TRHDE: variants seen among roughly 807,000 people sequenced by gnomAD.
TRHDE encodes thyrotropin releasing hormone degrading enzyme.
TRHDE carries 72 observed loss-of-function variants against 125.7 expected under a neutral mutation model. The ratio of observed to expected loss-of-function variants is 0.57; its 90% CI spans 0.47 to 0.70. The LOEUF is 0.70. Among genes scored for constraint, TRHDE ranks in the 30% least tolerant of loss-of-function variants. TRHDE has a pLI of 0.00. For synonymous variants in TRHDE, 509 were observed against 509.1 expected, an observed-to-expected ratio of 1.00 and a Z score of 0.00; for missense variants, 1,110 against 1,327.1, an observed-to-expected ratio of 0.84 and a Z score of 2.54.
intron 2 of TRHDE, among the ~76,000 whole-genome samples, chr12:72,301,601 C>A (rs1370212982): frequency 2.6e-5 from 4 of 152,156 alleles, no homozygotes; most frequent in African/African-American, 7.2e-5. Context: ...GATTCCACCA[C>A]TTATTAGAGG....
At chr12:72,105,860 A>C (rs1286761823) in intron 2 of TRHDE, 2 of 152,196 alleles carry the variant, frequency 1.3e-5, no homozygotes, top group Non-Finnish European at 2.9e-5. Context: ...AATTTAGTAG[A>C]GCAGTTATTT....
intron 3 of TRHDE, among the ~76,000 whole-genome samples, chr12:72,426,604 C>G (rs1874193836): frequency 6.6e-6 from 1 of 151,592 alleles, no homozygotes; most frequent in South Asian, 2.1e-4. Flanking sequence ...TGCCAAAGGC[C>G]ACTTATGTGG....
intron 2 of TRHDE, among the ~76,000 whole-genome samples, chr12:72,328,667 T>C (rs1288085017): frequency 6.6e-6 from 1 of 152,100 alleles, no homozygotes; most frequent in African/African-American, 2.4e-5. Flanking sequence ...ATAAGTCAGC[T>C]GGGCCAGAAA....
chr12:72,391,501 T>G (rs903931723), intron 3 of TRHDE, among the ~76,000 whole-genome samples: 14 of 152,338 alleles, frequency 9.2e-5, no homozygotes, highest in African/African-American at 3.1e-4. Flanking sequence ...TGGCTTTATT[T>G]TTTTTCCTTA....
chr12:72,441,036 A>C (rs969528327), intron 3 of TRHDE, among the ~76,000 whole-genome samples: 1 of 151,916 alleles, frequency 6.6e-6, no homozygotes, highest in Non-Finnish European at 1.5e-5. Flanking sequence ...GAAGATAATC[A>C]GGATAAATTA....
intron 3 of TRHDE, among the ~76,000 whole-genome samples, chr12:72,454,078 T>C (rs73344453): frequency 0.014 from 2,150 of 152,332 alleles, 50 homozygotes; most frequent in African/African-American, 0.049. Context: ...TGAAGTAGTA[T>C]ACTTATGATT....
At chr12:72,592,547 T>A (rs1871728151) in intron 12 of TRHDE, among the ~76,000 whole-genome samples, 1 of 152,050 alleles carries the variant, frequency 6.6e-6, no homozygotes, top group South Asian at 2.1e-4. Flanking sequence ...GCACATTAAG[T>A]TGTGGTGATT....
chr12:72,527,281 A>C (rs947457233), intron 6 of TRHDE, among the ~76,000 whole-genome samples: 7 of 152,112 alleles, frequency 4.6e-5, no homozygotes, highest in Admixed American at 4.6e-4. Context: ...AGATTGTTCT[A>C]TTTCCTAAGT....
intron 4 of TRHDE, among the ~76,000 whole-genome samples, chr12:72,471,434 G>T (rs372074629): frequency 2.6e-5 from 4 of 152,120 alleles, no homozygotes; most frequent in African/African-American, 9.7e-5. Context: ...AAGTGAAAGC[G>T]CACCGATAAT....
chr12:72,171,354 G>A (rs1876869912), intron 2 of TRHDE, among the ~76,000 whole-genome samples: 1 of 152,202 alleles, frequency 6.6e-6, no homozygotes, highest in African/African-American at 2.4e-5. Flanking sequence ...TTGTATAAAT[G>A]TGAGAAGGGC....
intron 7 of TRHDE, 40 bp from the exon 8 acceptor site, chr12:72,562,125 T>C (rs773399454): frequency 2.0e-6 from 2 of 1,002,836 alleles, no homozygotes; most frequent in Non-Finnish European, 3.1e-6. Flanking sequence ...TAGTTACTGT[T>C]TAACCTTTGA....
At chr12:72,416,890 C>G (rs11179192) in intron 3 of TRHDE, among the ~76,000 whole-genome samples, 16,246 of 151,870 alleles carry the variant, frequency 0.11, 1,139 homozygotes, top group African/African-American at 0.18. Context: ...AATTTTAGGA[C>G]TACTTTTCTA....
At chr12:72,548,400 G>T (rs1165644561) in intron 7 of TRHDE, among the ~76,000 whole-genome samples, 1 of 151,612 alleles carries the variant, frequency 6.6e-6, no homozygotes, top group Non-Finnish European at 1.5e-5. Flanking sequence ...GGTTCTTAGT[G>T]CTTACATACA....
chr12:72,224,309 C>G (rs1878079405), intron 2 of TRHDE, among the ~76,000 whole-genome samples: 1 of 151,924 alleles, frequency 6.6e-6, no homozygotes. Flanking sequence ...GGATTACAAG[C>G]CGCTAAAAAT....
intron 2 of TRHDE, among the ~76,000 whole-genome samples, chr12:72,362,721 A>G (rs1304559201): frequency 6.6e-6 from 1 of 152,008 alleles, no homozygotes; most frequent in African/African-American, 2.4e-5. Context: ...TCTGTAATCC[A>G]TCTTGAATTA....
In TRHDE at chr12:72,346,923, C is replaced by G. The variant is rs552023104; in HGVS notation, c.1189-31072C>G. 3.9e-5 allele frequency among the ~76,000 whole-genome samples: 6 copies of G among 152,198 alleles called. No individual in the cohort carries two copies. The East Asian group carries it at 1.2e-3, about 30-fold the overall frequency. On this transcript the variant is annotated intron_variant, in intron 2 of 18. Coordinates refer to ENST00000261180, the MANE Select transcript of TRHDE (RefSeq NM_013381.3). ...GAAGACTCTAAGGAAGGATCCGCCT[C>G]AGGCTTCCCTCTTAGCTTCTGGTAG...
chr12:72,646,306 A>G (rs1380444551), intron 15 of TRHDE, among the ~76,000 whole-genome samples: 1 of 152,042 alleles, frequency 6.6e-6, no homozygotes, highest in Non-Finnish European at 1.5e-5. Context: ...AGATATGTAT[A>G]CATCAAGGTA....
chr12:72,238,298 A>C lies in TRHDE; in HGVS notation n.279+132546A>C, dbSNP rs1468521174. ...TTAATATATATATATATATATATAT[A>C]TATATATATATATATATATATATAC... On this transcript the variant is annotated intron_variant and non_coding_transcript_variant, in intron 2 of 4. Transcript: ENST00000548156. Among the ~76,000 whole-genome samples the C allele has an allele frequency of 6.2e-5, 2 of 32,278 alleles. 1 individual carries two copies. Among genetic ancestry groups the C allele is most frequent in the African/African-American group, 2.0e-4 (2 of 9,884 alleles). The allele number at this position is 32,278 out of a possible 152,430, so 21.2% of individuals were successfully genotyped here.
At chr12:72,515,768 G>A (rs1289337471) in intron 6 of TRHDE, among the ~76,000 whole-genome samples, 1 of 151,974 alleles carries the variant, frequency 6.6e-6, no homozygotes, top group Non-Finnish European at 1.5e-5. Context: ...GGTTTTTATG[G>A]TTTTAGGTCT....
Sources: allele counts gnomAD v4.1 joint callset (sites outside exome capture counted in the v4.1 genomes callset), GRCh38; gene constraint gnomAD v4.1.1; transcripts MANE v1.5; gene names NCBI Gene and HGNC (gene_info 2026-07-23, HGNC 2026-07-21).